The following STUM variants were observed in gnomAD, a reference collection of about 807,000 sequenced individuals.
STUM encodes protein stum homolog.
In STUM, 8 loss-of-function variants were observed where a neutral mutation model predicts 15.3. The ratio of observed to expected loss-of-function variants is 0.52; its 90% confidence interval spans 0.31 to 0.94. The LOEUF (loss-of-function observed/expected upper bound fraction) is 0.94, where lower values mean the gene tolerates loss of function less well. Ranked by LOEUF, STUM falls within the 40% of genes least tolerant of loss-of-function variation. The pLI, the probability that STUM is intolerant of heterozygous loss-of-function variation, is 0.05. For missense variants in STUM, 142 were observed against 204.9 expected (o/e 0.69, Z 1.87); for synonymous variants, 78 against 88.7 (o/e 0.88, Z 0.68).
In STUM at chr1:226,607,683, C is replaced by A. The variant is rs746301687; in HGVS notation, c.*5643C>A. On this transcript the variant is annotated 3_prime_UTR_variant, in exon 4 of 4. Coordinates refer to ENST00000366788, the MANE Select transcript of STUM (RefSeq NM_001003665.4). Reference sequence around the variant, plus strand: ...CAGAAAGGTGCCCTGTAGCGTCCACCATGTGTGTGTCCTGAGTTTCCAGTG... The same window carrying A: ...CAGAAAGGTGCCCTGTAGCGTCCACAATGTGTGTGTCCTGAGTTTCCAGTG... 6.6e-6 allele frequency: 1 copy of A among 152,260 alleles called. No individual in the cohort carries two copies. The highest frequency in any genetic ancestry group is 6.5e-5 in the Admixed American group (1 of 15,284). The allele number at this position is 152,260 out of a possible 1,614,324, so 9.4% of individuals were successfully genotyped here.
chr1:226,557,639 C>T (rs1354176657), intron 1 of STUM, among the ~76,000 whole-genome samples: 1 of 152,230 alleles, frequency 6.6e-6, no homozygotes, highest in East Asian at 1.9e-4. Context: ...CTCACCAACA[C>T]TTGTTCTCTT....
intron 1 of STUM, among the ~76,000 whole-genome samples, chr1:226,583,074 T>A (rs1667944213): frequency 6.6e-6 from 1 of 152,240 alleles, no homozygotes; most frequent in African/African-American, 2.4e-5. Flanking sequence ...AGCCAGGGTT[T>A]GTCCATGTGG....
chr1:226,573,672 G>A (rs772001075), intron 1 of STUM, among the ~76,000 whole-genome samples: 31 of 152,094 alleles, frequency 2.0e-4, no homozygotes, highest in Non-Finnish European at 2.1e-4. Flanking sequence ...TAAAAATTGT[G>A]TATATTGAAG....
chr1:226,603,457 A>T lies in STUM; in HGVS notation c.*1417A>T, dbSNP rs1176176769. 2 of 152,264 alleles carry T rather than the reference A, an allele frequency of 1.3e-5. No homozygotes were observed. 9.4% of individuals were successfully genotyped at this position (152,264 alleles called of 1,614,324 possible). On this transcript the variant is annotated 3_prime_UTR_variant, in exon 4 of 4. Coordinates refer to ENST00000366788, the MANE Select transcript of STUM (RefSeq NM_001003665.4). ...TTTCCTTTCATTTTCATTCTAACAT[A>T]GGAAATGCTAACAGATGGGGCTGGC...
At chr1:226,550,595 CTT>C (rs572158437) in intron 1 of STUM, among the ~76,000 whole-genome samples, 27 of 144,070 alleles carry the variant, frequency 1.9e-4, no homozygotes, top group Admixed American at 2.1e-4. Context: ...CTTGATCCAC[CTT>C]TTTTTTTTTT....
intron 2 of STUM, among the ~76,000 whole-genome samples, chr1:226,598,778 C>T (rs1048814373): frequency 2.0e-5 from 3 of 152,214 alleles, no homozygotes; most frequent in Non-Finnish European, 4.4e-5. Flanking sequence ...TGGGGGTCAG[C>T]GTCAGCCCCT....
At chr1:226,566,614 CA>C (rs1667630404) in intron 1 of STUM, among the ~76,000 whole-genome samples, 1 of 152,068 alleles carries the variant, frequency 6.6e-6, no homozygotes, top group Non-Finnish European at 1.5e-5. Context: ...GCCATTTTTC[CA>C]GAATAAATTC....
At chr1:226,586,092 G>A (rs1346756050) in intron 1 of STUM, among the ~76,000 whole-genome samples, 1 of 152,140 alleles carries the variant, frequency 6.6e-6, no homozygotes, top group East Asian at 1.9e-4. Flanking sequence ...GCAGTCTTCA[G>A]GCCTAGTGAC....
chr1:226,593,299 T>C (rs1668120264), intron 1 of STUM, among the ~76,000 whole-genome samples: 2 of 152,084 alleles, frequency 1.3e-5, no homozygotes, highest in South Asian at 4.1e-4. Context: ...TTCCTGCAGG[T>C]TGGGGGCAAA....
At chr1:226,589,455 G>A (rs1668050235) in intron 1 of STUM, among the ~76,000 whole-genome samples, 1 of 152,158 alleles carries the variant, frequency 6.6e-6, no homozygotes, top group Non-Finnish European at 1.5e-5. Context: ...CCTGGGCCCG[G>A]AGCTCCTTGG....
rs924957220 is a variant in STUM at position 226,593,862 on chromosome 1, G to A, written c.203-2940G>A. Among the ~76,000 whole-genome samples the A allele has an allele frequency of 2.0e-5, 3 of 152,180 alleles. No homozygotes were observed. In the South Asian group the frequency reaches 6.2e-4, roughly 32 times the overall value. ...GGGAAGCTTGTTGGGAAAAGCAGATGCCAGGTCACCCTTTAGAAATTCCGT... is the reference window on the plus strand; with the variant it reads ...GGGAAGCTTGTTGGGAAAAGCAGATACCAGGTCACCCTTTAGAAATTCCGT... On this transcript the variant is annotated intron_variant, in intron 1 of 3. Coordinates refer to ENST00000366788, the MANE Select transcript of STUM (RefSeq NM_001003665.4).
At chr1:226,564,136 A>T (rs1326103127) in intron 1 of STUM, among the ~76,000 whole-genome samples, 2 of 152,184 alleles carry the variant, frequency 1.3e-5, no homozygotes, top group African/African-American at 4.8e-5. Flanking sequence ...CGAGATACCC[A>T]ATTACTTGGG....
intron 1 of STUM, among the ~76,000 whole-genome samples, chr1:226,594,711 A>G (rs572341436): frequency 1.2e-4 from 19 of 152,156 alleles, no homozygotes; most frequent in African/African-American, 4.6e-4. Flanking sequence ...CTGGAGTGCA[A>G]TGGCACGATC....
At position 226,609,141 on chromosome 1, in the gene STUM, G is replaced by C. The variant is rs982255279; in HGVS notation, c.*7101G>C. 1 of 151,918 alleles carries C rather than the reference G, an allele frequency of 6.6e-6. No individual in the cohort carries two copies. Among genetic ancestry groups the C allele is most frequent in the Non-Finnish European group, 1.5e-5 (1 of 67,964 alleles). The allele number at this position is 151,918 out of a possible 1,614,324, so 9.4% of individuals were successfully genotyped here. On this transcript the variant is annotated 3_prime_UTR_variant, in exon 4 of 4. Transcript: ENST00000366788. ...CAAGTTTGTGTTTTTTTAAATCCTTGGAAATACGGCTTTGGAAACCTTTTT... is the reference window on the plus strand; with the variant it reads ...CAAGTTTGTGTTTTTTTAAATCCTTCGAAATACGGCTTTGGAAACCTTTTT...
At chr1:226,596,321 T>A (rs1383787627) in intron 1 of STUM, among the ~76,000 whole-genome samples, 1 of 152,216 alleles carries the variant, frequency 6.6e-6, no homozygotes, top group Non-Finnish European at 1.5e-5. Flanking sequence ...GCATGTGTGC[T>A]GGGTGGTCAT....
intron 1 of STUM, among the ~76,000 whole-genome samples, chr1:226,551,502 A>G (rs1403133665): frequency 1.3e-5 from 2 of 152,208 alleles, no homozygotes; most frequent in African/African-American, 4.8e-5. Flanking sequence ...CCCCTTCCCC[A>G]GGAGTGGTTT....
chr1:226,554,856 T>C (rs1284031067), intron 1 of STUM, among the ~76,000 whole-genome samples: 1 of 152,210 alleles, frequency 6.6e-6, no homozygotes, highest in Non-Finnish European at 1.5e-5. Context: ...CTGTCTGTAT[T>C]TGCTATCTCC....
chr1:226,561,456 C>T (rs1558278455), intron 1 of STUM, among the ~76,000 whole-genome samples: 1 of 152,174 alleles, frequency 6.6e-6, no homozygotes, highest in East Asian at 1.9e-4. Flanking sequence ...ATGTGTTGTC[C>T]TGCAGCGTGT....
At chr1:226,568,791 C>T (rs749549496) in intron 1 of STUM, among the ~76,000 whole-genome samples, 2 of 152,276 alleles carry the variant, frequency 1.3e-5, no homozygotes, top group Non-Finnish European at 2.9e-5. Flanking sequence ...CGACGTTGCT[C>T]TCTGGAGGAC....
Sources: allele counts gnomAD v4.1 joint callset (sites outside exome capture counted in the v4.1 genomes callset), GRCh38; gene constraint gnomAD v4.1.1; transcripts MANE v1.5; gene names NCBI Gene and HGNC (gene_info 2026-07-23, HGNC 2026-07-21).